The following XPO6 variants were observed in gnomAD, a reference collection of about 807,000 sequenced individuals.
The protein encoded by XPO6 is exportin-6.
Under a neutral mutation model 130.0 loss-of-function variants are expected in XPO6, and 3 were observed. That is an observed-to-expected ratio of 0.02 (90% CI 0.01 to 0.06). The LOEUF (loss-of-function observed/expected upper bound fraction) is 0.06, where lower values mean the gene tolerates loss of function less well. Ranked by LOEUF, XPO6 falls within the 10% of genes least tolerant of loss-of-function variation. The pLI is 1.00. For synonymous variants in XPO6, 524 were observed against 548.9 expected, an observed-to-expected ratio of 0.95 and a Z score of 0.63; for missense variants, 970 against 1,393.0, an observed-to-expected ratio of 0.70 and a Z score of 4.83.
intron 17 of XPO6, 135 bp downstream of exon 17, chr16:28,111,682 C>T: frequency 1.1e-6 from 1 of 916,960 alleles, no homozygotes; most frequent in Non-Finnish European, 1.6e-6. Flanking sequence ...CCAAGTATGA[C>T]TTCCTGCTCA....
chr16:28,168,787 T>G (rs1259081847), intron 5 of XPO6, among the ~76,000 whole-genome samples: 1 of 151,172 alleles, frequency 6.6e-6, no homozygotes, highest in Admixed American at 6.6e-5. Flanking sequence ...TTTTGTTTTT[T>G]TTTTTTTCCA....
intron 14 of XPO6, among the ~76,000 whole-genome samples, chr16:28,119,940 C>G (rs924105072): frequency 3.9e-5 from 6 of 152,078 alleles, no homozygotes; most frequent in African/African-American, 1.4e-4. Flanking sequence ...CTCCCGGGTT[C>G]AAGCGACTCT....
rs1413054465 is a variant in XPO6, at chr16:28,132,341, T to G, written c.1599A>C (p.Ser533=). The G allele has an allele frequency of 6.2e-7, 1 of 1,606,590 alleles. No individual in the cohort carries two copies. Among genetic ancestry groups the G allele is most frequent in the East Asian group, 2.2e-5 (1 of 44,730 alleles). Residue 533 remains serine (S), a synonymous_variant, in exon 12 of 24, where the codon TCA becomes TCC. Coordinates refer to ENST00000304658, the MANE Select transcript of XPO6 (RefSeq NM_015171.4). The surrounding 1 kb of genome is among the most constrained non-coding windows in gnomAD (Gnocchi z 4.0). The stretch of plus-strand genomic sequence containing the variant: ...AAATAAAAACCAGTTTACCTGACCC[T>G]GAAGTGACTATAAACTGTTGTAATC... The part of the protein sequence containing the change: ...YLGLQQFIVT[S]GSGHRLNITA...
chr16:28,197,612 G>A (rs929785075), intron 1 of XPO6, among the ~76,000 whole-genome samples: 3 of 152,000 alleles, frequency 2.0e-5, no homozygotes, highest in African/African-American at 7.2e-5. Flanking sequence ...ATGTGATGAA[G>A]TGCCTTAAAA....
rs566532756 is a variant in XPO6 at position 28,102,086 on chromosome 16, G to A, written c.2947-141C>T. The stretch of plus-strand genomic sequence containing the variant: ...GCCCACCAGCTCAGACCTCTACGAC[G>A]CTCCTCCTAAGTCTCAGAGTTCATG... On this transcript the variant is annotated intron_variant, in intron 21 of 23. Transcript: ENST00000304658. 147 of 631,682 alleles carry A rather than the reference G, an allele frequency of 2.3e-4. 2 individuals carry two copies. Among genetic ancestry groups the A allele is most frequent in the South Asian group, 1.3e-3 (67 of 50,476 alleles). 39.1% of individuals were successfully genotyped at this position (631,682 alleles called of 1,614,324 possible). A position where few individuals can be genotyped will look rare whatever the true frequency, so the allele number is the denominator to read the frequency against.
Position 28,152,781 on chromosome 16 carries a change from T to C in XPO6, c.1102A>G (p.Ile368Val), listed in dbSNP as rs201964759. 8.1e-6 allele frequency: 13 copies of C among 1,612,226 alleles called. No individual in the cohort carries two copies. The highest frequency in any genetic ancestry group is 1.1e-5 in the Non-Finnish European group (13 of 1,179,404). Residue 368 changes from isoleucine to valine, a missense_variant, in exon 8 of 24, where the codon ATC becomes GTC. Around this residue, in one of 4 missense-constraint regions of XPO6, gnomAD observed 936 missense variants for 1,306.8 expected, o/e 0.72. Transcript: ENST00000304658. The stretch of plus-strand genomic sequence containing the variant: ...CGAAGAAAGTCAGTAAACTTCTCGA[T>C]ATAGCTAAATGAGACAAGACAAAAG... The part of the protein sequence containing the change: ...SRLEELDESY[I>V]EKFTDFLRLF...
Position 28,101,753 on chromosome 16 carries a change from C to CT in XPO6, c.3046-66dup. The CT allele has an allele frequency of 3.8e-6, 6 of 1,583,316 alleles. No individual in the cohort carries two copies. The highest frequency in any genetic ancestry group is 5.2e-6 in the Non-Finnish European group (6 of 1,160,036). On this transcript the variant is annotated intron_variant, in intron 22 of 23. Transcript: ENST00000304658. The surrounding 1 kb of genome is among the most constrained non-coding windows in gnomAD (Gnocchi z 5.4). ...AGGGGCCTGTCCCGGGTCCCATCCACTTTCTGTCACACTCTCCAGTGAGTA... is the reference window on the plus strand; with the variant it reads ...AGGGGCCTGTCCCGGGTCCCATCCACTTTTCTGTCACACTCTCCAGTGAGTA...
At chr16:28,153,902 T>C (rs1286028643) in intron 7 of XPO6, 2 of 985,326 alleles carry the variant, frequency 2.0e-6, no homozygotes, top group East Asian at 2.3e-4. Flanking sequence ...ATGTTGCTCC[T>C]GGGACCTATC....
intron 5 of XPO6, chr16:28,166,821 C>G (rs1343751664): frequency 6.1e-6 from 6 of 985,376 alleles, no homozygotes; most frequent in Non-Finnish European, 7.2e-6. Flanking sequence ...GCCTCCAGCA[C>G]TGCTCTTTGC....
At chr16:28,123,357 C>T (rs1000994967) in intron 13 of XPO6, among the ~76,000 whole-genome samples, 1 of 151,210 alleles carries the variant, frequency 6.6e-6, no homozygotes, top group African/African-American at 2.5e-5. Flanking sequence ...ATCTGCTCAC[C>T]TCAGCCTCCC....
Position 28,101,843 on chromosome 16 carries a change from T to C in XPO6, c.3045+4A>G, listed in dbSNP as rs2086661827. ...AGAATATTTCCAAGAGCTGGGGCAC[T>C]TACCTTGTGGTACAGCTTCTGCTTG... On this transcript the variant is annotated splice_donor_region_variant and intron_variant, in intron 22 of 23. Coordinates refer to ENST00000304658, the MANE Select transcript of XPO6 (RefSeq NM_015171.4). This position sits in a 1 kb window ranked among gnomAD's most constrained non-coding sequence, Gnocchi z 5.4. 2 of 1,613,628 alleles carry C rather than the reference T, an allele frequency of 1.2e-6. No homozygotes were observed. Among genetic ancestry groups the C allele is most frequent in the Non-Finnish European group, 1.7e-6 (2 of 1,179,632 alleles).
intron 6 of XPO6, among the ~76,000 whole-genome samples, chr16:28,163,119 G>A (rs2043303585): frequency 6.6e-6 from 1 of 152,148 alleles, no homozygotes; most frequent in African/African-American, 2.4e-5. Flanking sequence ...ACAAACCACA[G>A]CTCTAACTGC....
At chr16:28,176,836 C>T (rs190850371) in intron 3 of XPO6, among the ~76,000 whole-genome samples, 1 of 152,002 alleles carries the variant, frequency 6.6e-6, no homozygotes, top group African/African-American at 2.4e-5. Flanking sequence ...AAGGGGGGCA[C>T]AGAAGACAAG....
intron 1 of XPO6, among the ~76,000 whole-genome samples, chr16:28,207,327 T>G (rs2044047736): frequency 6.6e-6 from 1 of 151,256 alleles, no homozygotes; most frequent in Non-Finnish European, 1.5e-5. Context: ...AAAAAAGAAA[T>G]GCTAATATAA....
intron 6 of XPO6, chr16:28,165,502 CTAA>C (rs2043343519): frequency 6.6e-6 from 1 of 152,180 alleles, no homozygotes; most frequent in African/African-American, 2.4e-5. Context: ...AAATGGCTCT[CTAA>C]TAATTTTTAA....
At position 28,211,777 on chromosome 16, in the gene XPO6, C is replaced by G. The variant is rs1417433587; in HGVS notation, c.-409G>C. On this transcript the variant is annotated 5_prime_UTR_variant, in exon 1 of 24. Transcript: ENST00000304658. ...CCGAGGCTGAACGGGCGGAGGCTGA[C>G]AGGCCTCGACCGCGCGGCCCAGGCG... The G allele has an allele frequency of 3.4e-6, 1 of 294,398 alleles. No individual in the cohort carries two copies. The highest frequency in any genetic ancestry group is 2.2e-5 in the African/African-American group (1 of 45,184). 18.2% of individuals were successfully genotyped at this position (294,398 alleles called of 1,614,324 possible).
At chr16:28,137,826 G>A (rs1467951803) in intron 9 of XPO6, among the ~76,000 whole-genome samples, 2 of 152,206 alleles carry the variant, frequency 1.3e-5, no homozygotes, top group Admixed American at 6.5e-5. Context: ...CCCAGGCACT[G>A]AGCATAGTAC....
chr16:28,108,733 G>A (rs988553609), intron 17 of XPO6, among the ~76,000 whole-genome samples: 2 of 152,180 alleles, frequency 1.3e-5, no homozygotes, highest in Non-Finnish European at 2.9e-5. Context: ...TGGGTCCCCC[G>A]AACCCCAGTG....
chr16:28,181,519 T>TG (rs1404298879), intron 1 of XPO6, among the ~76,000 whole-genome samples: 33 of 29,452 alleles, frequency 1.1e-3, no homozygotes, highest in African/African-American at 1.8e-3. Context: ...GGGAGAGTGG[T>TG]TTTTTTTTTT....
Sources: allele counts gnomAD v4.1 joint callset (sites outside exome capture counted in the v4.1 genomes callset), GRCh38; gene constraint gnomAD v4.1.1; regional missense constraint gnomAD v4.1.1; non-coding constraint Gnocchi (gnomAD v3.1); transcripts MANE v1.5; gene names NCBI Gene and HGNC (gene_info 2026-07-23, HGNC 2026-07-21).